BSN: variants seen among roughly 807,000 people sequenced by gnomAD.
The protein encoded by BSN is protein bassoon.
BSN carries 57 observed loss-of-function variants against 264.8 expected under a neutral mutation model. That is an observed-to-expected ratio of 0.22 (90% CI 0.17 to 0.27). The LOEUF (loss-of-function observed/expected upper bound fraction) is 0.27. Ranked by LOEUF, BSN falls within the 10% of genes least tolerant of loss-of-function variation. The pLI is 1.00. For missense variants in BSN, 4,615 were observed against 5,232.5 expected, an observed-to-expected ratio of 0.88 and a Z score of 3.64; for synonymous variants, 2,059 against 2,137.3, an observed-to-expected ratio of 0.96 and a Z score of 1.01.
At chr3:49,630,642 A>C (rs535272316) in intron 2 of BSN, among the ~76,000 whole-genome samples, 1 of 152,254 alleles carries the variant, frequency 6.6e-6, no homozygotes, top group Admixed American at 6.5e-5. Flanking sequence ...GAGGGCCATA[A>C]GTTAAGCTAA....
intron 1 of BSN, among the ~76,000 whole-genome samples, chr3:49,568,318 C>A (rs2051769829): frequency 6.6e-6 from 1 of 152,208 alleles, no homozygotes; most frequent in African/African-American, 2.4e-5. Flanking sequence ...TTGAAAACAA[C>A]AATGGCATAT....
In BSN at chr3:49,655,385, TC is replaced by T; in HGVS notation, c.5833del (p.Arg1945GlyfsTer75). The stretch of plus-strand genomic sequence containing the variant: ...GCCAAAGCAGCAGCCCCTTCTATGG[TC>T]CCCGGGACCCTGAGCCTCCTGAGCC... ...PGQSSSPFYG[P>X]RDPEPPEPPT... On this transcript the variant is annotated frameshift_variant, in exon 5 of 12. Coordinates refer to ENST00000296452, the MANE Select transcript of BSN (RefSeq NM_003458.4). LOFTEE classifies it high-confidence loss of function. 1.9e-6 allele frequency: 3 copies of T among 1,578,590 alleles called. No homozygotes were observed. The highest frequency in any genetic ancestry group is 1.3e-5 in the African/African-American group (1 of 74,246).
At chr3:49,629,562 C>T (rs1400696038) in intron 2 of BSN, among the ~76,000 whole-genome samples, 3 of 152,254 alleles carry the variant, frequency 2.0e-5, no homozygotes, top group African/African-American at 4.8e-5. Flanking sequence ...CCCAGAAGCA[C>T]ATCCTGGCCT....
chr3:49,633,149 A>G (rs1418481534), intron 2 of BSN, among the ~76,000 whole-genome samples: 1 of 151,736 alleles, frequency 6.6e-6, no homozygotes, highest in Non-Finnish European at 1.5e-5. Context: ...TGAAAATACA[A>G]AAGTTAGCTG....
intron 1 of BSN, among the ~76,000 whole-genome samples, chr3:49,594,494 T>A (rs1367181710): frequency 6.6e-6 from 1 of 152,252 alleles, no homozygotes; most frequent in South Asian, 2.1e-4. Context: ...GCTGTGTGGA[T>A]GTATTTCTGA....
At position 49,658,120 on chromosome 3, in the gene BSN, C is replaced by A. The variant is rs1651111526; in HGVS notation, c.8564C>A (p.Pro2855His). ...TLQRSLSDPKPLSPTAEESAK... is the reference protein window; with the variant it reads ...TLQRSLSDPKHLSPTAEESAK... ...CAGCGGTCCCTGTCTGACCCTAAGC[C>A]CCTCAGCCCCACCGCCGAAGAGTCT... Residue 2855 changes from proline (P) to histidine (H), a missense_variant, in exon 5 of 12, where the codon CCC becomes CAC. This residue lies in a region of BSN where 3,415 missense variants were observed against 3,866.4 expected (regional missense o/e 0.88). Coordinates refer to ENST00000296452, the MANE Select transcript of BSN (RefSeq NM_003458.4). 5.6e-6 allele frequency: 9 copies of A among 1,611,102 alleles called. No individual in the cohort carries two copies. Among genetic ancestry groups the A allele is most frequent in the Non-Finnish European group, 7.6e-6 (9 of 1,178,596 alleles).
rs1374190776 is a variant in BSN at position 49,651,416 on chromosome 3, G to A, written c.1987-127G>A. ...AAGGCCAGAAGGAGATAGGGTGGGT[G>A]GCGGGCCCTAAACCCTTGGGAAATG... On this transcript the variant is annotated intron_variant, in intron 4 of 11. Coordinates refer to ENST00000296452, the MANE Select transcript of BSN (RefSeq NM_003458.4). This position sits in a 1 kb window ranked among gnomAD's most constrained non-coding sequence, Gnocchi z 5.4. 9.7e-7 allele frequency: 1 copy of A among 1,036,236 alleles called. No homozygotes were observed. Among genetic ancestry groups the A allele is most frequent in the Non-Finnish European group, 1.4e-6 (1 of 720,154 alleles). 64.2% of individuals were successfully genotyped at this position (1,036,236 alleles called of 1,614,324 possible).
intron 1 of BSN, among the ~76,000 whole-genome samples, chr3:49,586,586 C>T (rs1471440495): frequency 6.6e-6 from 1 of 152,208 alleles, no homozygotes; most frequent in Non-Finnish European, 1.5e-5. Flanking sequence ...AGCAATCCGT[C>T]CATCTCAGCT....
In BSN at chr3:49,656,427, C is replaced by T. The variant is rs757712538; in HGVS notation, c.6871C>T (p.Pro2291Ser). Reference protein sequence around the residue: ...YLGKPAAAKAPGAGGPSRPEM... With the variant: ...YLGKPAAAKASGAGGPSRPEM... ...GGGGAAACCTGCTGCTGCCAAGGCC[C>T]CTGGGGCTGGGGGCCCTTCAAGGCC... The change falls in exon 5 of 12, where the codon CCT becomes TCT. Residue 2291 changes from proline (P) to serine (S), a missense_variant. By Grantham distance (74) the Pro-to-Ser change is moderately conservative (BLOSUM62 -1). Around this residue, in one of 3 missense-constraint regions of BSN, gnomAD observed 3,415 missense variants for 3,866.4 expected, o/e 0.88. Transcript: ENST00000296452. The T allele has an allele frequency of 3.1e-6, 5 of 1,590,424 alleles. No homozygotes were observed. The highest frequency in any genetic ancestry group is 2.2e-5 in the East Asian group (1 of 44,618).
At chr3:49,624,911 A>G in intron 1 of BSN, 64 bp from the exon 2 acceptor site, 1 of 1,438,734 alleles carries the variant, frequency 7.0e-7, no homozygotes, top group Non-Finnish European at 9.2e-7. Flanking sequence ...CTAGCTTGGT[A>G]GAGACCTCCG....
In BSN at chr3:49,573,694, G is replaced by T. The variant is rs1162405877; in HGVS notation, c.224+18868G>T. The stretch of plus-strand genomic sequence containing the variant: ...TTTTTTGAGACGGAGTTTTGCTCTT[G>T]TTGCCCAGGCTGGAGTGCAATGGCG... On this transcript the variant is annotated intron_variant, in intron 1 of 11. Transcript: ENST00000296452. 5.4e-5 allele frequency among the ~76,000 whole-genome samples: 7 copies of T among 129,424 alleles called. 1 individual carries two copies. The highest frequency in any genetic ancestry group is 2.1e-4 in the African/African-American group (7 of 33,572). 84.9% of individuals were successfully genotyped at this position (129,424 alleles called of 152,430 possible). A position where few individuals can be genotyped will look rare whatever the true frequency, so the allele number is the denominator to read the frequency against.
At chr3:49,595,373 G>T (rs747572575) in intron 1 of BSN, among the ~76,000 whole-genome samples, 13 of 151,082 alleles carry the variant, frequency 8.6e-5, no homozygotes, top group African/African-American at 2.9e-4. Flanking sequence ...TGTATTTTTA[G>T]TAGAGACAGG....
intron 1 of BSN, among the ~76,000 whole-genome samples, chr3:49,567,549 GTTC>G (rs1342242378): frequency 2.0e-5 from 3 of 152,188 alleles, no homozygotes; most frequent in East Asian, 1.9e-4. Flanking sequence ...GCTGGGGCAT[GTTC>G]TTCTTACGGA....
intron 1 of BSN, among the ~76,000 whole-genome samples, chr3:49,561,118 A>T (rs2051708221): frequency 6.6e-6 from 1 of 152,204 alleles, no homozygotes; most frequent in Non-Finnish European, 1.5e-5. Context: ...GGCACATGGG[A>T]AGCCTCCAGG....
intron 1 of BSN, among the ~76,000 whole-genome samples, chr3:49,593,776 A>G (rs2051997972): frequency 7.3e-6 from 1 of 136,608 alleles, no homozygotes; most frequent in African/African-American, 2.7e-5. Flanking sequence ...TCTAGATACT[A>G]GTTTTTTTTT....
In BSN at chr3:49,650,955, A is replaced by T; in HGVS notation, c.1862A>T (p.Lys621Met). The change falls in exon 4 of 12, where the codon AAG becomes ATG. Residue 621 changes from lysine to methionine, a missense_variant. Lys to Met is a moderately conservative substitution (Grantham distance 95). Transcript: ENST00000296452. ...CCCACTAAAGCTGAGCCCATGCCGA[A>T]GCCACCTCCAGAGACTACCCCAACC... ...RVPTKAEPMP[K>M]PPPETTPTPA... 1 of 1,614,198 alleles carries T rather than the reference A, an allele frequency of 6.2e-7. No individual in the cohort carries two copies. Among genetic ancestry groups the T allele is most frequent in the African/African-American group, 1.3e-5 (1 of 75,064 alleles).
chr3:49,585,667 G>A lies in BSN; in HGVS notation c.224+30841G>A, dbSNP rs2051931774. On this transcript the variant is annotated intron_variant, in intron 1 of 11. Coordinates refer to ENST00000296452, the MANE Select transcript of BSN (RefSeq NM_003458.4). The surrounding 1 kb of genome is among the most constrained non-coding windows in gnomAD (Gnocchi z 4.7). ...CTAACCCCAATTTTTAGTTTTTTGA[G>A]AAACCTCCAAACTGTTCTTCATAGT... Among the ~76,000 whole-genome samples the A allele has an allele frequency of 6.6e-6, 1 of 152,224 alleles. No individual in the cohort carries two copies. The highest frequency in any genetic ancestry group is 2.4e-5 in the African/African-American group (1 of 41,442).
At chr3:49,572,772 A>G (rs999836144) in intron 1 of BSN, among the ~76,000 whole-genome samples, 17 of 152,270 alleles carry the variant, frequency 1.1e-4, no homozygotes, top group South Asian at 6.2e-4. Context: ...TGACCTTGTG[A>G]TCCGCCCGCC....
At chr3:49,608,944 G>A (rs1468186204) in intron 1 of BSN, among the ~76,000 whole-genome samples, 1 of 152,084 alleles carries the variant, frequency 6.6e-6, no homozygotes, top group Non-Finnish European at 1.5e-5. Flanking sequence ...GAGGCCAAAG[G>A]GGGCCCACAA....
Sources: gnomAD v4.1 joint callset for allele counts (sites outside exome capture counted in the v4.1 genomes callset) on GRCh38, gnomAD v4.1.1 for gene constraint, gnomAD v4.1.1 regional missense constraint, Gnocchi (gnomAD v3.1) non-coding constraint, MANE v1.5 for transcripts, NCBI Gene and HGNC (gene_info 2026-07-23, HGNC 2026-07-21) for gene names.